Variants in TENM4 observed in about 807,000 individuals in gnomAD.
TENM4 encodes the protein teneurin transmembrane protein 4.
In TENM4, 82 loss-of-function variants were observed where a neutral mutation model predicts 243.3. The observed-to-expected ratio is 0.34, with a 90% CI of 0.28 to 0.40. The LOEUF is 0.40. Ranked by LOEUF, TENM4 falls within the 10% of genes least tolerant of loss-of-function variation. The pLI is 1.00. For missense variants in TENM4, 3,138 were observed against 3,673.3 expected (o/e 0.85, Z 3.77); for synonymous variants, 1,412 against 1,456.3 (o/e 0.97, Z 0.69).
chr11:79,069,601 C>A, intron 5 of TENM4, 121 bp downstream of exon 5: 3 of 1,329,594 alleles, frequency 2.3e-6, no homozygotes, highest in South Asian at 3.1e-5. Context: ...TGATATGGCA[C>A]CCCAACTGGT....
intron 3 of TENM4, among the ~76,000 whole-genome samples, chr11:79,169,168 A>G (rs1862984883): frequency 6.6e-6 from 1 of 152,246 alleles, no homozygotes; most frequent in Admixed American, 6.5e-5. Flanking sequence ...GCCAAGCTTT[A>G]TCTAGATTAA....
intron 1 of TENM4, among the ~76,000 whole-genome samples, chr11:79,387,158 T>C (rs530022468): frequency 2.6e-5 from 4 of 152,310 alleles, no homozygotes; most frequent in South Asian, 2.1e-4. Flanking sequence ...AAAGAGTATA[T>C]GCTCTGTGAC....
chr11:79,016,386 A>G (rs1292398412), intron 6 of TENM4, among the ~76,000 whole-genome samples: 1 of 152,144 alleles, frequency 6.6e-6, no homozygotes, highest in Non-Finnish European at 1.5e-5. Context: ...ATCAAAGATG[A>G]CACTAGTTTC....
Position 78,841,259 on chromosome 11 carries a change from CTG to C in TENM4, c.1681+12843_1681+12844del, listed in dbSNP as rs1858252621. ...TCCCACTGCTATTAAGTGGCAGAGA[CTG>C]TATTCAACCAGCTACCTGGCTTCAA... On this transcript the variant is annotated intron_variant, in intron 12 of 33. Transcript: ENST00000278550. 4.6e-5 allele frequency among the ~76,000 whole-genome samples: 7 copies of C among 152,304 alleles called. No individual in the cohort carries two copies. In the East Asian group the frequency reaches 1.2e-3, roughly 25 times the overall value.
At chr11:79,135,156 C>T (rs1270848180) in intron 4 of TENM4, among the ~76,000 whole-genome samples, 3 of 151,864 alleles carry the variant, frequency 2.0e-5, no homozygotes, top group African/African-American at 7.3e-5. Context: ...AAGCAAAAAA[C>T]AAATAATCCT....
At chr11:79,157,479 G>A (rs1862647122) in intron 3 of TENM4, among the ~76,000 whole-genome samples, 1 of 152,108 alleles carries the variant, frequency 6.6e-6, no homozygotes, top group Non-Finnish European at 1.5e-5. Context: ...CAGCATGCCT[G>A]GCTCTGTGCT....
At chr11:79,086,858 A>T (rs982609037) in intron 4 of TENM4, among the ~76,000 whole-genome samples, 1 of 146,818 alleles carries the variant, frequency 6.8e-6, no homozygotes, top group African/African-American at 2.5e-5. Context: ...AAAAAAGGAA[A>T]TATTACGAGG....
intron 29 of TENM4, among the ~76,000 whole-genome samples, chr11:78,677,249 CT>C (rs67423363): frequency 0.014 from 1,898 of 137,070 alleles, 31 homozygotes; most frequent in African/African-American, 0.042. Context: ...AAGGGTTGAA[CT>C]TTTTTTTTTT....
chr11:79,337,455 G>T (rs1390490137), intron 1 of TENM4, among the ~76,000 whole-genome samples: 1 of 152,180 alleles, frequency 6.6e-6, no homozygotes, highest in East Asian at 1.9e-4. Flanking sequence ...CCTGTGATTT[G>T]TCTCAATTAG....
intron 9 of TENM4, among the ~76,000 whole-genome samples, chr11:78,872,272 G>A (rs974187078): frequency 6.6e-6 from 1 of 152,110 alleles, no homozygotes; most frequent in African/African-American, 2.4e-5. Context: ...CTATCAACAG[G>A]GCAAGCATTC....
intron 12 of TENM4, among the ~76,000 whole-genome samples, chr11:78,842,575 G>C (rs1858285052): frequency 6.6e-6 from 1 of 152,240 alleles, no homozygotes; most frequent in Non-Finnish European, 1.5e-5. Flanking sequence ...GACAAAGCCT[G>C]TCCCAGGCTG....
At chr11:79,408,452 A>T (rs932846592) in intron 1 of TENM4, among the ~76,000 whole-genome samples, 1 of 152,224 alleles carries the variant, frequency 6.6e-6, no homozygotes, top group African/African-American at 2.4e-5. Flanking sequence ...CAAGTCACAG[A>T]GGCAGAGCTA....
intron 1 of TENM4, among the ~76,000 whole-genome samples, chr11:79,420,014 A>G (rs746321504): frequency 1.3e-5 from 2 of 152,188 alleles, no homozygotes; most frequent in Non-Finnish European, 2.9e-5. Context: ...TTTATTTTAA[A>G]GTTCCCTTAA....
At chr11:78,973,278 T>C (rs1374627642) in intron 6 of TENM4, among the ~76,000 whole-genome samples, 1 of 152,244 alleles carries the variant, frequency 6.6e-6, no homozygotes, top group Admixed American at 6.5e-5. Context: ...GCTATGTCAT[T>C]TTAAATGCCC....
intron 2 of TENM4, among the ~76,000 whole-genome samples, chr11:79,248,903 G>C (rs1855564475): frequency 6.6e-6 from 1 of 152,114 alleles, no homozygotes; most frequent in South Asian, 2.1e-4. Context: ...AGTGACAGCA[G>C]ACACTGGTTA....
intron 1 of TENM4, among the ~76,000 whole-genome samples, chr11:79,354,074 T>C (rs1211824329): frequency 6.6e-6 from 1 of 152,256 alleles, no homozygotes; most frequent in Non-Finnish European, 1.5e-5. Flanking sequence ...ATTTTTGTTG[T>C]GACCTTGGTT....
At chr11:79,339,915 G>A (rs1424515146) in intron 1 of TENM4, among the ~76,000 whole-genome samples, 1 of 152,116 alleles carries the variant, frequency 6.6e-6, no homozygotes, top group African/African-American at 2.4e-5. Flanking sequence ...TGTGGGGTAG[G>A]CAGACCAGGC....
chr11:78,876,940 C>G (rs1038351506), intron 9 of TENM4, among the ~76,000 whole-genome samples: 1 of 152,222 alleles, frequency 6.6e-6, no homozygotes, highest in Non-Finnish European at 1.5e-5. Context: ...TACTCCACAC[C>G]TACTATGGGT....
chr11:79,297,232 G>A (rs546042447), intron 2 of TENM4, among the ~76,000 whole-genome samples: 39 of 152,322 alleles, frequency 2.6e-4, no homozygotes, highest in Admixed American at 2.3e-3. Context: ...TGTTGGCCAT[G>A]TATGGCCTAA....
Sources: gnomAD v4.1 joint callset for allele counts (sites outside exome capture counted in the v4.1 genomes callset) on GRCh38, gnomAD v4.1.1 for gene constraint, MANE v1.5 for transcripts, NCBI Gene and HGNC (gene_info 2026-07-23, HGNC 2026-07-21) for gene names.